COX18: variants seen among roughly 807,000 people sequenced by gnomAD.
The protein encoded by COX18 is cytochrome c oxidase assembly factor COX18, also known as cytochrome c oxidase assembly protein COX18, mitochondrial.
Under a neutral mutation model 38.0 loss-of-function variants are expected in COX18, and 45 were observed. That is an observed-to-expected ratio of 1.18 (90% confidence interval 0.93 to 1.52). COX18 has a LOEUF of 1.52. Ranked by LOEUF, COX18 falls within the 40% of genes most tolerant of loss-of-function variation. The pLI is 0.00. For synonymous variants in COX18, 177 were observed against 169.8 expected (o/e 1.04, Z -0.33); for missense variants, 462 against 423.8 (o/e 1.09, Z -0.79).
At chr4:73,058,800 C>T (rs1720016172) in intron 5 of COX18, among the ~76,000 whole-genome samples, 1 of 152,214 alleles carries the variant, frequency 6.6e-6, no homozygotes, top group Non-Finnish European at 1.5e-5. Flanking sequence ...TCAGCATTAT[C>T]TCCAAATTTC....
chr4:73,065,120 T>A (rs1720370751), intron 3 of COX18, 130 bp downstream of exon 3: 1 of 987,188 alleles, frequency 1.0e-6, no homozygotes, highest in Non-Finnish European at 1.5e-6. Flanking sequence ...GACTTTAAAT[T>A]CTATACCCTT....
chr4:73,053,211 A>G lies in COX18; in HGVS notation c.*4903T>C, dbSNP rs1719789049. On this transcript the variant is annotated 3_prime_UTR_variant, in exon 6 of 6. Coordinates refer to ENST00000507544, the MANE Select transcript of COX18 (RefSeq NM_001297732.2). ...AATGGTCCATTTTCAAGGCATGATA[A>G]ATCTAAGCACTGGCAGCCAGCCTTG... 1 of 152,178 alleles carries G rather than the reference A, an allele frequency of 6.6e-6. No homozygotes were observed. The highest frequency in any genetic ancestry group is 2.4e-5 in the African/African-American group (1 of 41,436). 9.4% of individuals were successfully genotyped at this position (152,178 alleles called of 1,614,324 possible).
rs936007376 is a variant in COX18 at position 73,052,453 on chromosome 4, T to G, written c.*5661A>C. Reference sequence around the variant, plus strand: ...ACAGAACCACAGCGTTCCAGAAACTTTTGGGTAAATAAAATTATCTGACTT... The same window carrying G: ...ACAGAACCACAGCGTTCCAGAAACTGTTGGGTAAATAAAATTATCTGACTT... On this transcript the variant is annotated 3_prime_UTR_variant, in exon 6 of 6. Coordinates refer to ENST00000507544, the MANE Select transcript of COX18 (RefSeq NM_001297732.2). 19 of 152,110 alleles carry G rather than the reference T, an allele frequency of 1.2e-4. No individual in the cohort carries two copies. The highest frequency in any genetic ancestry group is 4.6e-4 in the African/African-American group (19 of 41,426). 9.4% of individuals were successfully genotyped at this position (152,110 alleles called of 1,614,324 possible).
In COX18 at chr4:73,069,589, T is replaced by TA; in HGVS notation, c.60dup (p.Arg21Ter). The TA allele has an allele frequency of 6.4e-7, 1 of 1,559,466 alleles. No individual in the cohort carries two copies. The highest frequency in any genetic ancestry group is 8.7e-7 in the Non-Finnish European group (1 of 1,154,120). ...GGAACCGGCGCAAGCGGCAGGTCCC[T>TA]AGCCCAAAGCTGCAGGGCAGGGAGC... On this transcript the variant is annotated frameshift_variant, in exon 1 of 6. Transcript: ENST00000507544. LOFTEE classifies it high-confidence loss of function.
intron 5 of COX18, among the ~76,000 whole-genome samples, chr4:73,061,490 C>G (rs1331267553): frequency 3.2e-4 from 49 of 151,938 alleles, no homozygotes; most frequent in Admixed American, 3.2e-3. Flanking sequence ...GGGAGGATCA[C>G]AAGGTCAGGA....
intron 2 of COX18, 143 bp downstream of exon 2, chr4:73,067,886 A>ATATATAAAT: frequency 2.1e-5 from 1 of 48,648 alleles, no homozygotes; most frequent in Middle Eastern, 0.011. Flanking sequence ...TATATATATA[A>ATATATAAAT]AAAAAGAAAT....
intron 5 of COX18, among the ~76,000 whole-genome samples, chr4:73,060,630 C>T (rs1288902174): frequency 1.3e-5 from 2 of 152,074 alleles, no homozygotes; most frequent in Non-Finnish European, 1.5e-5. Flanking sequence ...CCTGTAATCC[C>T]AGCACTTTGG....
At chr4:73,066,010 A>C (rs1191604930) in intron 2 of COX18, among the ~76,000 whole-genome samples, 1 of 152,228 alleles carries the variant, frequency 6.6e-6, no homozygotes, top group African/African-American at 2.4e-5. Context: ...GAGTTAAAAA[A>C]CAAAAACTAA....
At chr4:73,058,942 A>G (rs373707958) in intron 5 of COX18, among the ~76,000 whole-genome samples, 13 of 152,252 alleles carry the variant, frequency 8.5e-5, no homozygotes, top group African/African-American at 3.1e-4. Flanking sequence ...GATCCTCATA[A>G]GGAGTGTACA....
At chr4:73,067,173 G>A (rs1480755833) in intron 2 of COX18, among the ~76,000 whole-genome samples, 1 of 152,320 alleles carries the variant, frequency 6.6e-6, no homozygotes, top group Non-Finnish European at 1.5e-5. Flanking sequence ...CAGCATCTTA[G>A]CTATCAAAGT....
chr4:73,061,290 T>G (rs1720140435), intron 5 of COX18, among the ~76,000 whole-genome samples: 1 of 152,096 alleles, frequency 6.6e-6, no homozygotes, highest in Non-Finnish European at 1.5e-5. Context: ...AGAAATACCA[T>G]ATTCATGGTA....
intron 5 of COX18, among the ~76,000 whole-genome samples, chr4:73,059,592 C>A (rs1382082973): frequency 6.6e-6 from 1 of 152,168 alleles, no homozygotes; most frequent in African/African-American, 2.4e-5. Flanking sequence ...TCACTTATAG[C>A]TAAGTGACCT....
rs1170441018 is a variant in COX18 at position 73,056,515 on chromosome 4, T to C, written c.*1599A>G. 1 of 152,224 alleles carries C rather than the reference T, an allele frequency of 6.6e-6. No individual in the cohort carries two copies. The highest frequency in any genetic ancestry group is 1.5e-5 in the Non-Finnish European group (1 of 68,052). 9.4% of individuals were successfully genotyped at this position (152,224 alleles called of 1,614,324 possible). On this transcript the variant is annotated 3_prime_UTR_variant, in exon 6 of 6. Coordinates refer to ENST00000507544, the MANE Select transcript of COX18 (RefSeq NM_001297732.2). ...AATTATAGAAAAAGGAATGTACACT[T>C]TTTGTATTCTTTCTGAGCAGGGCCG... is the stretch of plus-strand genomic sequence containing the variant.
In COX18 at chr4:73,054,556, A is replaced by C. The variant is rs1223517404; in HGVS notation, c.*3558T>G. ...CTTGGAGGAAGGGCCTTGTATTCTCAAACTTCCTGTATATATTTGAAAAGA... is the reference window on the plus strand; with the variant it reads ...CTTGGAGGAAGGGCCTTGTATTCTCCAACTTCCTGTATATATTTGAAAAGA... On this transcript the variant is annotated 3_prime_UTR_variant, in exon 6 of 6. Coordinates refer to ENST00000507544, the MANE Select transcript of COX18 (RefSeq NM_001297732.2). 2 of 152,216 alleles carry C rather than the reference A, an allele frequency of 1.3e-5. No homozygotes were observed. Among genetic ancestry groups the C allele is most frequent in the Non-Finnish European group, 2.9e-5 (2 of 68,052 alleles). The allele number at this position is 152,216 out of a possible 1,614,324, so 9.4% of individuals were successfully genotyped here.
rs756551339 is a variant in COX18, at chr4:73,068,039, T to C, written c.424A>G (p.Arg142Gly). The C allele has an allele frequency of 1.3e-5, 21 of 1,610,512 alleles. No homozygotes were observed. In the East Asian group the frequency reaches 4.7e-4, roughly 36 times the overall value. ...VRANQLGWSK[R>G]DARLTYLKNM... ...ATATAATTAGCTTACCTGGCATCTC[T>C]TTTGGACCACCCCAACTGATTTGCA... The change falls in exon 2 of 6, where the codon AGA becomes GGA. Residue 142 changes from arginine (R) to glycine (G), a missense_variant. Coordinates refer to ENST00000507544, the MANE Select transcript of COX18 (RefSeq NM_001297732.2).
At chr4:73,067,957 TG>T (rs1344633933) in intron 2 of COX18, 71 bp downstream of exon 2, 1 of 3,090 alleles carries the variant, frequency 3.2e-4, no homozygotes, top group Non-Finnish European at 1.1e-3. Context: ...TTTATGTATG[TG>T]TGTGTGTGTG....
chr4:73,062,396 T>C (rs1434170695), intron 4 of COX18, among the ~76,000 whole-genome samples: 1 of 151,736 alleles, frequency 6.6e-6, no homozygotes, highest in African/African-American at 2.4e-5. Flanking sequence ...ACTAATTATG[T>C]CAAATTCTTA....
rs901043471 is a variant in COX18, at chr4:73,052,890, C to G, written c.*5224G>C. On this transcript the variant is annotated 3_prime_UTR_variant, in exon 6 of 6. Coordinates refer to ENST00000507544, the MANE Select transcript of COX18 (RefSeq NM_001297732.2). The stretch of plus-strand genomic sequence containing the variant: ...TTTTCTAGGGTCTGCATTCCTACTG[C>G]TTCTGGGACTTAAATCTGACATATA... 17 of 150,292 alleles carry G rather than the reference C, an allele frequency of 1.1e-4. No homozygotes were observed. Among genetic ancestry groups the G allele is most frequent in the African/African-American group, 4.2e-4 (17 of 40,680 alleles). The allele number at this position is 150,292 out of a possible 1,614,324, so 9.3% of individuals were successfully genotyped here.
chr4:73,056,223 G>C lies in COX18; in HGVS notation c.*1891C>G, dbSNP rs1177622455. The C allele has an allele frequency of 6.6e-6, 1 of 151,996 alleles. No individual in the cohort carries two copies. 9.4% of individuals were successfully genotyped at this position (151,996 alleles called of 1,614,324 possible). ...CCTGCCATACTTGATATCTCAACCA[G>C]AGCTAATTTTACCTCTTTACAAATT... On this transcript the variant is annotated 3_prime_UTR_variant, in exon 6 of 6. Coordinates refer to ENST00000507544, the MANE Select transcript of COX18 (RefSeq NM_001297732.2).
Sources: gnomAD v4.1 joint callset for allele counts (sites outside exome capture counted in the v4.1 genomes callset) on GRCh38, gnomAD v4.1.1 for gene constraint, MANE v1.5 for transcripts, NCBI Gene and HGNC (gene_info 2026-07-23, HGNC 2026-07-21) for gene names.